Variants in TRRAP observed in about 807,000 individuals in gnomAD.
TRRAP encodes transformation/transcription domain-associated protein.
Under a neutral mutation model 438.8 loss-of-function variants are expected in TRRAP, and 41 were observed. The ratio of observed to expected loss-of-function variants is 0.09; its 90% CI spans 0.07 to 0.12. TRRAP has a LOEUF of 0.12. TRRAP is among the 10% of genes least tolerant of loss of function. The probability of loss-of-function intolerance (pLI) is 1.00; values close to 1 mark genes in which losing one functional copy is unlikely to be tolerated. For synonymous variants in TRRAP, 1,994 were observed against 1,962.9 expected, an observed-to-expected ratio of 1.02 and a Z score of -0.42; for missense variants, 3,122 against 5,055.1, an observed-to-expected ratio of 0.62 and a Z score of 11.60.
chr7:98,914,015 G>A (rs1340651347), intron 18 of TRRAP, among the ~76,000 whole-genome samples: 1 of 152,198 alleles, frequency 6.6e-6, no homozygotes, highest in African/African-American at 2.4e-5. Context: ...CAGAGCTCCA[G>A]TAACCTGTGC....
Position 98,948,271 on chromosome 7 carries a change from T to C in TRRAP, c.4599T>C (p.Ala1533=). 6.2e-7 allele frequency: 1 copy of C among 1,614,248 alleles called. No homozygotes were observed. Among genetic ancestry groups the C allele is most frequent in the Non-Finnish European group, 8.5e-7 (1 of 1,180,050 alleles). The change falls in exon 34 of 73, where the codon GCT becomes GCC. Residue 1533 remains alanine, a synonymous_variant. Transcript: ENST00000456197. The surrounding 1 kb of genome is among the most constrained non-coding windows in gnomAD (Gnocchi z 4.9). ...TAAACCTTTTTCATCTGATCCCGGC[T>C]GCTCCTCAGACACTGGTGAAGCCTT... ...AIINLFHLIP[A]APQTLVKPLL...
intron 2 of TRRAP, chr7:98,881,571 CA>C (rs35358303): frequency 0.064 from 7,954 of 123,832 alleles, 66 homozygotes; most frequent in East Asian, 0.086. Context: ...GACTCCCTCT[CA>C]AAAAAAAAAA....
chr7:99,001,456 CT>C (rs1221560071), intron 67 of TRRAP, among the ~76,000 whole-genome samples: 1 of 152,150 alleles, frequency 6.6e-6, no homozygotes, highest in Non-Finnish European at 1.5e-5. Context: ...ATTCAGCATG[CT>C]TTTATCTTAA....
Position 98,958,014 on chromosome 7 carries a change from G to A in TRRAP, c.6265G>A (p.Asp2089Asn), listed in dbSNP as rs782169755. The A allele has an allele frequency of 6.2e-7, 1 of 1,614,200 alleles. No individual in the cohort carries two copies. ...FGRSQSLPGADSLLAKPIDKQ... is the reference protein window; with the variant it reads ...FGRSQSLPGANSLLAKPIDKQ... ...GAGGAGCCAGTCGCTACCTGGAGCAGACTCTCTCCTCGCCAAGCCCATTGA... is the reference window on the plus strand; with the variant it reads ...GAGGAGCCAGTCGCTACCTGGAGCAAACTCTCTCCTCGCCAAGCCCATTGA... Residue 2089 changes from aspartate (D) to asparagine (N), a missense_variant, in exon 44 of 73, where the codon GAC becomes AAC. Transcript: ENST00000456197.
intron 67 of TRRAP, among the ~76,000 whole-genome samples, chr7:98,998,161 G>A (rs1328372840): frequency 6.6e-6 from 1 of 152,178 alleles, no homozygotes; most frequent in South Asian, 2.1e-4. Context: ...CCAACACAGT[G>A]TCTTACAGGG....
In TRRAP at chr7:98,903,349, T is replaced by C. The variant is rs782438140; in HGVS notation, c.898-30T>C. ...TTTTCTTAACACTCTCCTATCCCTG[T>C]AACTGTGTCATCTCACTCTGTTCTT... On this transcript the variant is annotated intron_variant, in intron 11 of 72. Coordinates refer to ENST00000456197, the MANE Select transcript of TRRAP (RefSeq NM_001375524.1). 15 of 1,613,390 alleles carry C rather than the reference T, an allele frequency of 9.3e-6. No homozygotes were observed. In the East Asian group the frequency reaches 2.9e-4, roughly 31 times the overall value.
intron 2 of TRRAP, chr7:98,881,664 T>C (rs999466960): frequency 3.0e-6 from 1 of 337,284 alleles, no homozygotes; most frequent in Non-Finnish European, 5.4e-6. Flanking sequence ...CAGTAACTTT[T>C]ATTCTCATTT....
intron 62 of TRRAP, among the ~76,000 whole-genome samples, chr7:98,986,558 G>A (rs78273548): frequency 6.6e-6 from 1 of 151,984 alleles, no homozygotes; most frequent in African/African-American, 2.4e-5. Flanking sequence ...TTCTTTTCTT[G>A]GTTTTGATTG....
At chr7:98,963,936 C>A (rs1223346374) in intron 47 of TRRAP, among the ~76,000 whole-genome samples, 5 of 151,914 alleles carry the variant, frequency 3.3e-5, no homozygotes, top group Admixed American at 3.3e-4. Context: ...CAAAAATTAG[C>A]CGGGCGTGGT....
intron 50 of TRRAP, 65 bp from the exon 51 acceptor site, chr7:98,967,420 T>G: frequency 6.4e-7 from 1 of 1,551,784 alleles, no homozygotes; most frequent in Non-Finnish European, 8.8e-7. Context: ...GTTCACCTGT[T>G]TCTGCTTGTT....
Position 98,881,091 on chromosome 7 carries a change from C to A in TRRAP, c.-60C>A. The stretch of plus-strand genomic sequence containing the variant: ...CTAACTCTATGCTTCTTTTCATAGG[C>A]TGGTTGAACTCATGGACCTGATACT... On this transcript the variant is annotated splice_region_variant and 5_prime_UTR_variant, in exon 2 of 73. In the 5' UTR this introduces an upstream ATG that the reference lacks. Transcript: ENST00000456197. 1 of 1,414,172 alleles carries A rather than the reference C, an allele frequency of 7.1e-7. No homozygotes were observed. The highest frequency in any genetic ancestry group is 9.7e-7 in the Non-Finnish European group (1 of 1,029,286). The allele number at this position is 1,414,172 out of a possible 1,614,324, so 87.6% of individuals were successfully genotyped here.
chr7:98,925,205 G>A lies in TRRAP; in HGVS notation c.2917G>A (p.Ala973Thr), dbSNP rs2116485471. 5 of 1,614,176 alleles carry A rather than the reference G, an allele frequency of 3.1e-6. No homozygotes were observed. Among genetic ancestry groups the A allele is most frequent in the Non-Finnish European group, 4.2e-6 (5 of 1,180,028 alleles). Residue 973 changes from alanine to threonine, a missense_variant, in exon 22 of 73, where the codon GCC becomes ACC. Ala to Thr is a moderately conservative substitution (Grantham distance 58). Coordinates refer to ENST00000456197, the MANE Select transcript of TRRAP (RefSeq NM_001375524.1). ...GGAAGTGATCAAATGCTTCCTGGTG[G>A]CCATGATGAGCCTGGAGGACAACAA... is the stretch of plus-strand genomic sequence containing the variant. ...AWEVIKCFLV[A>T]MMSLEDNKHA...
At chr7:98,966,974 G>T (rs115981872) in intron 49 of TRRAP, 67 bp from the exon 50 acceptor site, 3 of 1,528,060 alleles carry the variant, frequency 2.0e-6, no homozygotes, top group Non-Finnish European at 2.6e-6. Context: ...AATTGTAGGA[G>T]CTTAAAAAAT....
intron 39 of TRRAP, 86 bp from the exon 40 acceptor site, chr7:98,953,065 GTGTGTGTGTGTGTGTT>G (rs1204529904): frequency 3.0e-5 from 5 of 168,588 alleles, no homozygotes; most frequent in African/African-American, 1.4e-4. Flanking sequence ...GTGTGTGTGT[GTGTGTGTGTGTGTGTT>G]TTTAAGGCTT....
chr7:98,967,833 G>A (rs1180339210), intron 51 of TRRAP, 135 bp downstream of exon 51: 2 of 796,234 alleles, frequency 2.5e-6, no homozygotes, highest in Admixed American at 5.9e-5. Flanking sequence ...CTGATCTCCA[G>A]GAAGAAAATA....
intron 20 of TRRAP, among the ~76,000 whole-genome samples, chr7:98,920,076 T>C (rs1430312043): frequency 4.6e-5 from 7 of 152,166 alleles, no homozygotes; most frequent in African/African-American, 1.7e-4. Flanking sequence ...GTAAGAGAAA[T>C]TGGAATTTTG....
At chr7:98,988,660 G>A in intron 62 of TRRAP, 105 bp from the exon 63 acceptor site, 3 of 1,345,004 alleles carry the variant, frequency 2.2e-6, no homozygotes, top group Non-Finnish European at 3.0e-6. Flanking sequence ...ATTGTGAATG[G>A]ACCAAATGCC....
chr7:98,945,831 G>T, intron 32 of TRRAP, 31 bp downstream of exon 32: 1 of 1,589,330 alleles, frequency 6.3e-7, no homozygotes, highest in South Asian at 1.1e-5. Flanking sequence ...GTCAGTTTCT[G>T]ACTTGCAATG....
intron 67 of TRRAP, chr7:98,998,652 C>T (rs1793781714): frequency 6.3e-6 from 1 of 158,498 alleles, no homozygotes; most frequent in African/African-American, 2.4e-5. Context: ...GAGAGAGAAC[C>T]CATGCCGACC....
Sources: allele counts gnomAD v4.1 joint callset (sites outside exome capture counted in the v4.1 genomes callset), GRCh38; gene constraint gnomAD v4.1.1; non-coding constraint Gnocchi (gnomAD v3.1); transcripts MANE v1.5; gene names NCBI Gene and HGNC (gene_info 2026-07-23, HGNC 2026-07-21).